TTLL8: variants seen among roughly 807,000 people sequenced by gnomAD.
TTLL8 encodes protein monoglycylase TTLL8.
A neutral mutation model predicts 77.8 loss-of-function variants in TTLL8; 65 were observed. The observed-to-expected ratio is 0.84, with a 90% confidence interval of 0.68 to 1.03. The LOEUF (loss-of-function observed/expected upper bound fraction) is 1.03. Ranked by LOEUF, TTLL8 falls within the 50% of genes least tolerant of loss-of-function variation. The pLI, the probability that TTLL8 is intolerant of heterozygous loss-of-function variation, is 0.00. For synonymous variants in TTLL8, 402 were observed against 422.8 expected, an observed-to-expected ratio of 0.95 and a Z score of 0.60; for missense variants, 910 against 1,004.5, an observed-to-expected ratio of 0.91 and a Z score of 1.27.
intron 12 of TTLL8, among the ~76,000 whole-genome samples, chr22:50,020,037 A>G (rs988000612): frequency 1.3e-5 from 2 of 152,248 alleles, no homozygotes; most frequent in South Asian, 2.1e-4. Context: ...CATGCATCTT[A>G]TCATACTTTT....
In TTLL8 at chr22:50,049,244, C is replaced by CT. The variant is rs757540357; in HGVS notation, c.264+4_264+5insA. On this transcript the variant is annotated splice_donor_region_variant and intron_variant, in intron 3 of 13. Transcript: ENST00000266182. The stretch of plus-strand genomic sequence containing the variant: ...AGCTGACCATGACGCATGCAGGGGA[C>CT]GTACCATCACGTCGTGGATGTTGTC... 46 of 1,367,514 alleles carry CT rather than the reference C, an allele frequency of 3.4e-5. No homozygotes were observed. Among genetic ancestry groups the CT allele is most frequent in the African/African-American group, 4.4e-5 (3 of 67,752 alleles). The allele number at this position is 1,367,514 out of a possible 1,614,324, so 84.7% of individuals were successfully genotyped here. A position where few individuals can be genotyped will look rare whatever the true frequency, so the allele number is the denominator to read the frequency against.
rs572330499 is a variant in TTLL8 at position 50,051,930 on chromosome 22, G to C, written c.52-1683C>G. Among the ~76,000 whole-genome samples the C allele has an allele frequency of 5.3e-5, 8 of 152,276 alleles. No homozygotes were observed. In the South Asian group the frequency reaches 1.7e-3, roughly 32 times the overall value. On this transcript the variant is annotated intron_variant, in intron 1 of 13. Coordinates refer to ENST00000266182, the Ensembl canonical transcript of TTLL8. Reference sequence around the variant, plus strand: ...ACTGTGCTCTGGCAGGAAGACATCTGCTCAAAGAAGACCATGCCCACACCC... The same window carrying C: ...ACTGTGCTCTGGCAGGAAGACATCTCCTCAAAGAAGACCATGCCCACACCC...
At position 50,034,589 on chromosome 22, in the gene TTLL8, T is replaced by A. The variant is rs1290378000; in HGVS notation, c.922-127A>T. ...ACCAAGCAGGCGCTCGGCTCTAGGA[T>A]GGTCTGGGGCTGGCCTGGCGGGAAA... is the stretch of plus-strand genomic sequence containing the variant. On this transcript the variant is annotated intron_variant, in intron 8 of 13. Transcript: ENST00000266182. The surrounding 1 kb of genome is among the most constrained non-coding windows in gnomAD (Gnocchi z 4.1). The A allele has an allele frequency of 9.5e-7, 1 of 1,051,340 alleles. No homozygotes were observed. The highest frequency in any genetic ancestry group is 1.3e-6 in the Non-Finnish European group (1 of 789,974). The allele number at this position is 1,051,340 out of a possible 1,614,324, so 65.1% of individuals were successfully genotyped here. A position where few individuals can be genotyped will look rare whatever the true frequency, so the allele number is the denominator to read the frequency against.
At chr22:50,056,913 A>C (rs1475872236), upstream of TTLL8, 2 of 1,289,606 alleles carry the variant, frequency 1.6e-6, no homozygotes, top group Non-Finnish European at 2.0e-6. The surrounding 1 kb of genome is among the most constrained non-coding windows in gnomAD (Gnocchi z 4.1). Flanking sequence ...AGCCAACGAT[A>C]GCCCCTTCCT....
chr22:50,055,155 T>A, upstream of TTLL8: 1 of 1,253,128 alleles, frequency 8.0e-7, no homozygotes. Context: ...AGAGGCCAGA[T>A]GGACAGATTC....
intron 4 of TTLL8, among the ~76,000 whole-genome samples, 189 bp from the exon 7 acceptor site, chr22:50,046,159 G>A (rs866439350): frequency 2.0e-5 from 3 of 152,162 alleles, no homozygotes; most frequent in South Asian, 2.1e-4. Context: ...CCCTCCAGCC[G>A]GTGGGAGCAT....
At chr22:50,046,406 G>A (rs980255691) in intron 4 of TTLL8, among the ~76,000 whole-genome samples, 7 of 152,354 alleles carry the variant, frequency 4.6e-5, no homozygotes, top group African/African-American at 1.7e-4. Context: ...GAGGTAGCAC[G>A]CGCCATTAGA....
intron 8 of TTLL8, among the ~76,000 whole-genome samples, chr22:50,039,767 C>T (rs1002689314): frequency 2.0e-5 from 3 of 149,956 alleles, no homozygotes; most frequent in Admixed American, 2.0e-4. Flanking sequence ...CCTCATGGAC[C>T]TCATGTGTGC....
At chr22:50,020,084 T>C (rs78523676) in intron 12 of TTLL8, among the ~76,000 whole-genome samples, 3,498 of 152,324 alleles carry the variant, frequency 0.023, 62 homozygotes, top group South Asian at 0.052. Context: ...AAATGAAATA[T>C]GTCAACAACA....
intron 12 of TTLL8, among the ~76,000 whole-genome samples, chr22:50,021,609 GTGCACTCCTCCATCTGACA>G (rs1301446093): frequency 7.5e-6 from 1 of 132,576 alleles, no homozygotes; most frequent in East Asian, 2.3e-4. Flanking sequence ...ATCTGACGAC[GTGCACTCCTCCATCTGACA>G]TGCACTCCTC....
intron 1 of TTLL8, 122 bp from the exon 4 acceptor site, chr22:50,050,369 T>A: frequency 3.5e-6 from 2 of 575,018 alleles, no homozygotes; most frequent in Admixed American, 4.5e-5. Context: ...CATCACCCAA[T>A]ATGTCCTTTT....
rs752883835 is a variant in TTLL8, at chr22:50,047,160, C to T, written c.393+8G>A. On this transcript the variant is annotated splice_region_variant and intron_variant, in intron 4 of 13. Coordinates refer to ENST00000266182, the Ensembl canonical transcript of TTLL8. Reference sequence around the variant, plus strand: ...GGCTCCCGCCACGCTCAAGCGCGGCCGGCTCACCTTGGTGGTGAAGGAGGC... The same window carrying T: ...GGCTCCCGCCACGCTCAAGCGCGGCTGGCTCACCTTGGTGGTGAAGGAGGC... The T allele has an allele frequency of 3.3e-5, 45 of 1,367,160 alleles. No individual in the cohort carries two copies. The highest frequency in any genetic ancestry group is 4.0e-5 in the Non-Finnish European group (41 of 1,021,634). 84.7% of individuals were successfully genotyped at this position (1,367,160 alleles called of 1,614,324 possible). A position where few individuals can be genotyped will look rare whatever the true frequency, so the allele number is the denominator to read the frequency against.
chr22:50,031,815 A>G, exon 11 of TTLL8: 9 of 1,367,066 alleles, frequency 6.6e-6, no homozygotes, highest in Non-Finnish European at 8.8e-6. Flanking sequence ...TGGGGCTGGA[A>G]TTGATCTCGA....
Position 50,044,117 on chromosome 22 carries a change from G to C in TTLL8, c.643+1138C>G, listed in dbSNP as rs2061393408. On this transcript the variant is annotated intron_variant, in intron 6 of 13. Transcript: ENST00000266182. The surrounding 1 kb of genome is among the most constrained non-coding windows in gnomAD (Gnocchi z 4.2). Reference sequence around the variant, plus strand: ...AGGTGGGCGGATCACCTGAAGTCAGGAGTTCGAGACCAGCCTGGCCAACAT... The same window carrying C: ...AGGTGGGCGGATCACCTGAAGTCAGCAGTTCGAGACCAGCCTGGCCAACAT... 6.6e-6 allele frequency among the ~76,000 whole-genome samples: 1 copy of C among 152,170 alleles called. No homozygotes were observed. The highest frequency in any genetic ancestry group is 1.5e-5 in the Non-Finnish European group (1 of 68,036).
intron 1 of TTLL8, among the ~76,000 whole-genome samples, chr22:50,053,517 G>C (rs7286615): frequency 0.33 from 50,684 of 152,100 alleles, 10,448 homozygotes; most frequent in African/African-American, 0.56. Context: ...TACCCAGAGG[G>C]ATAGTTGTAG....
upstream of TTLL8, chr22:50,056,731 G>A: frequency 7.9e-7 from 1 of 1,262,552 alleles, no homozygotes; most frequent in Non-Finnish European, 1.0e-6. This position sits in a 1 kb window ranked among gnomAD's most constrained non-coding sequence, Gnocchi z 4.1. Context: ...CCAAGAGAAG[G>A]CGCCTGGTTC....
At chr22:50,045,543 C>T (rs549020041) in intron 5 of TTLL8, among the ~76,000 whole-genome samples, 154 bp from the exon 8 acceptor site, 5 of 152,298 alleles carry the variant, frequency 3.3e-5, no homozygotes, top group South Asian at 2.1e-4. Flanking sequence ...GTCTGCCTGC[C>T]CTTCTCCCTG....
chr22:50,040,325 A>G (rs2061362751), intron 8 of TTLL8, among the ~76,000 whole-genome samples: 1 of 151,650 alleles, frequency 6.6e-6, no homozygotes, highest in African/African-American at 2.4e-5. Flanking sequence ...GACCTCAAGG[A>G]CCTCACATGT....
chr22:50,030,477 C>CG lies in TTLL8; in HGVS notation c.2155_2156insC (p.Gly719AlafsTer?). 1 of 1,346,368 alleles carries CG rather than the reference C, an allele frequency of 7.4e-7. No homozygotes were observed. The highest frequency in any genetic ancestry group is 9.8e-7 in the Non-Finnish European group (1 of 1,015,538). The allele number at this position is 1,346,368 out of a possible 1,614,324, so 83.4% of individuals were successfully genotyped here. On this transcript the variant is annotated frameshift_variant, in exon 12 of 14. Coordinates refer to ENST00000266182, the Ensembl canonical transcript of TTLL8. LOFTEE classifies it high-confidence loss of function. Reference sequence around the variant, plus strand: ...CAGCGCGCCCTCTGCTGTCTTCAGGCCCCGCAGCACAGGCTCCAGCGGGTG... The same window carrying CG: ...CAGCGCGCCCTCTGCTGTCTTCAGGCGCCCGCAGCACAGGCTCCAGCGGGTG...
Sources: allele counts gnomAD v4.1 joint callset (sites outside exome capture counted in the v4.1 genomes callset), GRCh38; gene constraint gnomAD v4.1.1; non-coding constraint Gnocchi (gnomAD v3.1); transcripts MANE v1.5; gene names NCBI Gene and HGNC (gene_info 2026-07-23, HGNC 2026-07-21).